The following NEIL3 variants were observed in gnomAD, a reference collection of about 807,000 sequenced individuals.
NEIL3 encodes the protein nei like DNA glycosylase 3.
In NEIL3, 48 loss-of-function variants were observed where a neutral mutation model predicts 57.5. The ratio of observed to expected loss-of-function variants is 0.83; its 90% CI spans 0.66 to 1.06. The LOEUF (loss-of-function observed/expected upper bound fraction) is 1.06, where lower values mean the gene tolerates loss of function less well. Ranked by LOEUF, NEIL3 falls within the 50% of genes least tolerant of loss-of-function variation. The pLI is 0.00. For missense variants in NEIL3, 717 were observed against 739.1 expected, an observed-to-expected ratio of 0.97 and a Z score of 0.35; for synonymous variants, 261 against 253.2, an observed-to-expected ratio of 1.03 and a Z score of -0.29.
chr4:177,353,267 A>G (rs892974508), intron 7 of NEIL3, 41 bp from the exon 8 acceptor site: 17 of 1,499,546 alleles, frequency 1.1e-5, no homozygotes, highest in African/African-American at 1.4e-5. Context: ...AGTATGTTAT[A>G]TTTATGGGAC....
At chr4:177,338,459 T>C (rs1323630899) in intron 4 of NEIL3, among the ~76,000 whole-genome samples, 1 of 152,182 alleles carries the variant, frequency 6.6e-6, no homozygotes, top group East Asian at 1.9e-4. Context: ...TCACAAATAC[T>C]ATATTTTTCA....
intron 6 of NEIL3, among the ~76,000 whole-genome samples, chr4:177,346,032 A>C (rs564779351): frequency 6.6e-6 from 1 of 152,122 alleles, no homozygotes; most frequent in Admixed American, 6.5e-5. Flanking sequence ...GAATATAGTT[A>C]TCTACAAATA....
At chr4:177,322,729 T>A (rs548156083) in intron 2 of NEIL3, 149 bp downstream of exon 2, 2 of 853,844 alleles carry the variant, frequency 2.3e-6, no homozygotes, top group South Asian at 3.5e-5. Context: ...GATTCTATCA[T>A]GGAAATCAAT....
At position 177,362,386 on chromosome 4, in the gene NEIL3, T is replaced by C. The variant is rs1735627469; in HGVS notation, c.1733T>C (p.Val578Ala). 6.2e-7 allele frequency: 1 copy of C among 1,613,804 alleles called. No individual in the cohort carries two copies. The highest frequency in any genetic ancestry group is 8.5e-7 in the Non-Finnish European group (1 of 1,179,872). ...IGPNNGKNFF[V>A]CPLGKEKQCN... ...CCTAACAATGGAAAGAATTTTTTTGTGTGTCCTCTTGGGAAGGAAAAACAA... is the reference window on the plus strand; with the variant it reads ...CCTAACAATGGAAAGAATTTTTTTGCGTGTCCTCTTGGGAAGGAAAAACAA... Residue 578 changes from valine (V) to alanine (A), a missense_variant, in exon 10 of 10, where the codon GTG becomes GCG. Transcript: ENST00000264596.
intron 1 of NEIL3, among the ~76,000 whole-genome samples, chr4:177,321,619 C>T (rs935570784): frequency 6.6e-6 from 1 of 152,042 alleles, no homozygotes; most frequent in Non-Finnish European, 1.5e-5. Flanking sequence ...ATAATTTCCT[C>T]GAATATCTTA....
chr4:177,338,809 T>C (rs951412321), intron 4 of NEIL3, among the ~76,000 whole-genome samples: 2 of 152,354 alleles, frequency 1.3e-5, no homozygotes, highest in Non-Finnish European at 2.9e-5. Context: ...CATCTACTCC[T>C]GTGCCTATTT....
chr4:177,356,800 C>T (rs978460599), intron 8 of NEIL3, among the ~76,000 whole-genome samples: 3 of 151,978 alleles, frequency 2.0e-5, no homozygotes, highest in African/African-American at 7.2e-5. Flanking sequence ...ATGATTGAAC[C>T]CATTTTTAAA....
intron 6 of NEIL3, among the ~76,000 whole-genome samples, chr4:177,344,858 G>A (rs920080594): frequency 4.6e-5 from 7 of 151,942 alleles, no homozygotes; most frequent in Non-Finnish European, 2.9e-5. Context: ...CACCGTGTCC[G>A]GCTTATTGTT....
At chr4:177,347,659 AAG>A (rs553740990) in intron 6 of NEIL3, among the ~76,000 whole-genome samples, 313 of 152,056 alleles carry the variant, frequency 2.1e-3, no homozygotes, top group Middle Eastern at 6.8e-3. Flanking sequence ...GGTGACGGGG[AAG>A]AGAGAGAAGG....
chr4:177,371,022 C>A, the NEIL3 span, among the ~76,000 whole-genome samples: 4 of 152,248 alleles, frequency 2.6e-5, no homozygotes, highest in African/African-American at 9.6e-5. Flanking sequence ...GGGCACTTGG[C>A]ATCTGTTTTT....
chr4:177,344,945 T>G (rs1735181731), intron 6 of NEIL3, among the ~76,000 whole-genome samples: 1 of 152,228 alleles, frequency 6.6e-6, no homozygotes, highest in Non-Finnish European at 1.5e-5. Flanking sequence ...GAGGAGGTAG[T>G]CTTTACCTTT....
chr4:177,309,902 C>A lies in NEIL3; in HGVS notation c.-52C>A. The A allele has an allele frequency of 6.3e-7, 1 of 1,577,092 alleles. No individual in the cohort carries two copies. Among genetic ancestry groups the A allele is most frequent in the Non-Finnish European group, 8.6e-7 (1 of 1,163,884 alleles). On this transcript the variant is annotated 5_prime_UTR_variant, in exon 1 of 10. Transcript: ENST00000264596. ...GCCCGCGCAGCGTTGAGTTGCACAG[C>A]GGTATTCTCACCAGGCCCTGCAATC...
intron 6 of NEIL3, among the ~76,000 whole-genome samples, chr4:177,350,989 C>T (rs1735336626): frequency 1.3e-5 from 2 of 151,338 alleles, no homozygotes; most frequent in African/African-American, 4.9e-5. Flanking sequence ...AGGAAGATTA[C>T]TTGAGGCCAG....
intron 9 of NEIL3, among the ~76,000 whole-genome samples, chr4:177,361,144 C>A (rs1367406575): frequency 6.6e-6 from 1 of 151,972 alleles, no homozygotes; most frequent in Non-Finnish European, 1.5e-5. Flanking sequence ...CACACTTGAC[C>A]CAAAAAAGTG....
chr4:177,310,948 T>G (rs550597251), intron 1 of NEIL3, among the ~76,000 whole-genome samples: 2 of 152,326 alleles, frequency 1.3e-5, no homozygotes, highest in East Asian at 3.9e-4. Context: ...TTGAAAGAAA[T>G]GAGGTTCTAA....
chr4:177,333,418 G>A (rs958421708), intron 2 of NEIL3, among the ~76,000 whole-genome samples: 4 of 152,076 alleles, frequency 2.6e-5, no homozygotes, highest in African/African-American at 9.7e-5. Context: ...TTTCATATTA[G>A]AACTTGGTTG....
At chr4:177,339,730 T>C (rs775878714) in intron 4 of NEIL3, 53 bp from the exon 5 acceptor site, 3 of 1,181,544 alleles carry the variant, frequency 2.5e-6, no homozygotes, top group Non-Finnish European at 3.8e-6. Context: ...TATTATTTCT[T>C]ACAGTAATGA....
chr4:177,316,134 GACAT>G (rs554130804), intron 1 of NEIL3, among the ~76,000 whole-genome samples: 89 of 152,230 alleles, frequency 5.8e-4, no homozygotes, highest in Non-Finnish European at 1.1e-3. Context: ...GAACAGTTAT[GACAT>G]ACTGTAATAA....
chr4:177,326,762 T>C (rs2111121550), intron 2 of NEIL3, among the ~76,000 whole-genome samples: 1 of 152,304 alleles, frequency 6.6e-6, no homozygotes, highest in African/African-American at 2.4e-5. Context: ...TTCAGACATA[T>C]TTTATATTTG....
Sources: gnomAD v4.1 joint callset for allele counts (sites outside exome capture counted in the v4.1 genomes callset) on GRCh38, gnomAD v4.1.1 for gene constraint, MANE v1.5 for transcripts, NCBI Gene and HGNC (gene_info 2026-07-23, HGNC 2026-07-21) for gene names.